SNX29: variants seen among roughly 807,000 people sequenced by gnomAD.
The protein encoded by SNX29 is sorting nexin 29.
A neutral mutation model predicts 102.1 loss-of-function variants in SNX29; 78 were observed. That is an observed-to-expected ratio of 0.76 (90% CI 0.64 to 0.92). The LOEUF is 0.92. Ranked by LOEUF, SNX29 falls within the 40% of genes least tolerant of loss-of-function variation. The pLI is 0.00. For missense variants in SNX29, 1,280 were observed against 1,061.7 expected (o/e 1.21, Z -2.86); for synonymous variants, 580 against 414.5 (o/e 1.40, Z -4.85).
chr16:12,161,925 C>A (rs2055801246), intron 13 of SNX29, among the ~76,000 whole-genome samples: 1 of 152,212 alleles, frequency 6.6e-6, no homozygotes, highest in Admixed American at 6.5e-5. Context: ...ATATAAATTA[C>A]CCAGCCTCAG....
rs570789999 is a variant in SNX29 at position 12,567,158 on chromosome 16, G to A, written c.2319-1348G>A. Among the ~76,000 whole-genome samples the A allele has an allele frequency of 9.2e-5, 14 of 152,330 alleles. 1 individual carries two copies. The South Asian group carries it at 2.9e-3, about 32-fold the overall frequency. The stretch of plus-strand genomic sequence containing the variant: ...TGTGAAACTGGGCTTGGATACAGCT[G>A]GGGGTGGATGTTCCTGATCTGACAT... On this transcript the variant is annotated intron_variant, in intron 20 of 20. Transcript: ENST00000566228.
chr16:12,334,431 T>C (rs561788229), intron 15 of SNX29, among the ~76,000 whole-genome samples: 15 of 152,148 alleles, frequency 9.9e-5, no homozygotes, highest in Non-Finnish European at 1.9e-4. Context: ...AATGTTCTTT[T>C]GTGTTCGGCA....
chr16:12,516,846 A>G (rs375457314), intron 19 of SNX29, among the ~76,000 whole-genome samples: 1 of 152,186 alleles, frequency 6.6e-6, no homozygotes, highest in East Asian at 1.9e-4. Flanking sequence ...CCAGGAAACA[A>G]AATTCAGGGA....
rs117375118 is a variant in SNX29 at position 12,287,173 on chromosome 16, A to G, written c.1782+9137A>G. ...CTGCCTTGACTTCAGTTAACAACAC[A>G]CATAGTCATGTCAGCAGCACACTAC... On this transcript the variant is annotated intron_variant, in intron 15 of 20. Transcript: ENST00000566228. Among the ~76,000 whole-genome samples the G allele has an allele frequency of 6.3e-3, 965 of 152,286 alleles. 3 individuals carry two copies. The highest frequency in any genetic ancestry group is 9.2e-3 in the Non-Finnish European group (624 of 68,008).
chr16:12,538,383 C>G (rs1019215738), intron 20 of SNX29, among the ~76,000 whole-genome samples: 1 of 152,148 alleles, frequency 6.6e-6, no homozygotes, highest in Non-Finnish European at 1.5e-5. Context: ...AGCCACCGCG[C>G]CCGGCCTCCC....
At chr16:12,325,990 C>T (rs1258911135) in intron 15 of SNX29, among the ~76,000 whole-genome samples, 1 of 151,996 alleles carries the variant, frequency 6.6e-6, no homozygotes, top group Non-Finnish European at 1.5e-5. Context: ...TAATCACACA[C>T]TGCATTCCAG....
chr16:12,244,146 G>T (rs2078192910), intron 14 of SNX29, among the ~76,000 whole-genome samples: 1 of 152,176 alleles, frequency 6.6e-6, no homozygotes, highest in South Asian at 2.1e-4. Context: ...GTGGAGCTCA[G>T]GCGGTGATGC....
chr16:12,409,054 T>C (rs914333293), intron 18 of SNX29, among the ~76,000 whole-genome samples: 1 of 152,202 alleles, frequency 6.6e-6, no homozygotes, highest in Non-Finnish European at 1.5e-5. Flanking sequence ...AAATAAGAAA[T>C]GGCGGCATTT....
intron 3 of SNX29, among the ~76,000 whole-genome samples, chr16:12,010,895 T>G (rs2151054897): frequency 6.6e-6 from 1 of 152,308 alleles, no homozygotes; most frequent in East Asian, 1.9e-4. Context: ...CCAGAGGACT[T>G]ACGAAACGGA....
intron 11 of SNX29, among the ~76,000 whole-genome samples, chr16:12,083,987 T>C (rs2052036471): frequency 6.6e-6 from 1 of 152,148 alleles, no homozygotes; most frequent in Non-Finnish European, 1.5e-5. Context: ...ATCTCTGAAA[T>C]TGCAAAGGGT....
chr16:11,984,182 T>C (rs1380540388), intron 1 of SNX29, among the ~76,000 whole-genome samples: 1 of 151,914 alleles, frequency 6.6e-6, no homozygotes, highest in East Asian at 1.9e-4. Flanking sequence ...GTGGGACCCG[T>C]CTGCCGGTCT....
chr16:12,199,156 C>A (rs1364480983), intron 13 of SNX29, among the ~76,000 whole-genome samples: 1 of 152,170 alleles, frequency 6.6e-6, no homozygotes, highest in Non-Finnish European at 1.5e-5. Context: ...GACATGATGC[C>A]TGGCAAATAA....
chr16:11,978,135 G>A (rs2055342917), intron 1 of SNX29, among the ~76,000 whole-genome samples: 1 of 152,162 alleles, frequency 6.6e-6, no homozygotes, highest in Non-Finnish European at 1.5e-5. Context: ...CAAGATTTGT[G>A]AAATGGACAG....
At chr16:12,511,830 C>T (rs184581591) in intron 19 of SNX29, among the ~76,000 whole-genome samples, 7 of 152,138 alleles carry the variant, frequency 4.6e-5, no homozygotes, top group East Asian at 3.9e-4. Flanking sequence ...CTCAAAACCT[C>T]GGGCTGTCCC....
chr16:12,106,569 T>G (rs369983869), intron 11 of SNX29, among the ~76,000 whole-genome samples: 1 of 150,572 alleles, frequency 6.6e-6, no homozygotes, highest in South Asian at 2.1e-4. Flanking sequence ...CACTTCCCGG[T>G]CTCAATTGAT....
intron 19 of SNX29, among the ~76,000 whole-genome samples, chr16:12,511,745 G>T (rs529740216): frequency 6.6e-6 from 1 of 152,176 alleles, no homozygotes; most frequent in Non-Finnish European, 1.5e-5. Context: ...GAGCTGCCCA[G>T]GGATTGGGGC....
At chr16:12,153,971 G>T (rs11643074) in intron 13 of SNX29, among the ~76,000 whole-genome samples, 1 of 152,050 alleles carries the variant, frequency 6.6e-6, no homozygotes, top group Non-Finnish European at 1.5e-5. Flanking sequence ...GTGTCCTCCC[G>T]CTTTGAAAGT....
At chr16:12,556,416 G>C (rs183676208) in intron 20 of SNX29, 1 of 152,262 alleles carries the variant, frequency 6.6e-6, no homozygotes, top group African/African-American at 2.4e-5. Context: ...TGACACTTCA[G>C]ATGGCTACAG....
Position 12,158,976 on chromosome 16 carries a change from C to T in SNX29, c.1595+29218C>T, listed in dbSNP as rs141359994. ...CATTTCTCCAATCATGGAGAATGGG[C>T]GGAGAATGAGATTTGTAACACACCT... is the stretch of plus-strand genomic sequence containing the variant. On this transcript the variant is annotated intron_variant, in intron 13 of 20. Coordinates refer to ENST00000566228, the MANE Select transcript of SNX29 (RefSeq NM_032167.5). 4.3e-4 allele frequency among the ~76,000 whole-genome samples: 66 copies of T among 152,232 alleles called. 1 individual carries two copies. In the East Asian group the frequency reaches 0.012, roughly 27 times the overall value.
Sources: gnomAD v4.1 joint callset for allele counts (sites outside exome capture counted in the v4.1 genomes callset) on GRCh38, gnomAD v4.1.1 for gene constraint, MANE v1.5 for transcripts, NCBI Gene and HGNC (gene_info 2026-07-23, HGNC 2026-07-21) for gene names.